TBCD: variants seen among roughly 807,000 people sequenced by gnomAD.
TBCD encodes tubulin folding cofactor D, also known as tubulin-specific chaperone D.
A neutral mutation model predicts 169.3 loss-of-function variants in TBCD; 105 were observed. The ratio of observed to expected loss-of-function variants is 0.62; its 90% CI spans 0.53 to 0.73. TBCD has a LOEUF of 0.73. TBCD is among the 30% of genes least tolerant of loss of function. TBCD has a pLI of 0.00. For missense variants in TBCD, 1,444 were observed against 1,600.1 expected, an observed-to-expected ratio of 0.90 and a Z score of 1.66; for synonymous variants, 700 against 643.9, an observed-to-expected ratio of 1.09 and a Z score of -1.32.
Position 82,853,251 on chromosome 17 carries a change from C to T in TBCD, c.1319-16973C>T, listed in dbSNP as rs117897091. ...TGTGCCACCACGCCCAGCTAATTGTCGTATTTTTTTTCTTTTTCTTTTTTT... is the reference window on the plus strand; with the variant it reads ...TGTGCCACCACGCCCAGCTAATTGTTGTATTTTTTTTCTTTTTCTTTTTTT... On this transcript the variant is annotated intron_variant, in intron 13 of 38. Transcript: ENST00000355528. Among the ~76,000 whole-genome samples the T allele has an allele frequency of 2.3e-3, 350 of 151,808 alleles. 1 individual carries two copies. The highest frequency in any genetic ancestry group is 4.0e-3 in the Non-Finnish European group (269 of 67,964).
At position 82,874,489 on chromosome 17, in the gene TBCD, C is replaced by G. The variant is rs1046363752; in HGVS notation, c.1475+4109C>G. Among the ~76,000 whole-genome samples, 5 of 152,118 alleles carry G rather than the reference C, an allele frequency of 3.3e-5. No individual in the cohort carries two copies. The highest frequency in any genetic ancestry group is 7.4e-5 in the Non-Finnish European group (5 of 68,006). ...TGCTGGGGCCTCAGGGCTCGCAGCT[C>G]ACAGGCTTCTGACGCCTCAGCCTGG... On this transcript the variant is annotated intron_variant, in intron 14 of 38. Coordinates refer to ENST00000355528, the MANE Select transcript of TBCD (RefSeq NM_005993.5). This position sits in a 1 kb window ranked among gnomAD's most constrained non-coding sequence, Gnocchi z 5.0.
In TBCD at chr17:82,937,409, T is replaced by C. The variant is rs114766531; in HGVS notation, c.3281+49T>C. ...TTAGACGGAATGGCAGGGCGCAGCC[T>C]CCCTTGGCTGAGGGCAGGAGTCCAC... On this transcript the variant is annotated intron_variant, in intron 35 of 38. Coordinates refer to ENST00000355528, the MANE Select transcript of TBCD (RefSeq NM_005993.5). The C allele has an allele frequency of 2.5e-3, 3,975 of 1,565,986 alleles. 87 individuals are homozygous for C. In the African/African-American group the frequency reaches 0.046, roughly 18 times the overall value.
intron 12 of TBCD, among the ~76,000 whole-genome samples, chr17:82,813,911 C>G (rs1416300717): frequency 6.6e-6 from 1 of 152,196 alleles, no homozygotes; most frequent in Non-Finnish European, 1.5e-5. Context: ...GAGGCAGCCA[C>G]TGGGCGGACA....
chr17:82,781,333 G>C (rs901405722), intron 6 of TBCD, among the ~76,000 whole-genome samples: 1 of 151,416 alleles, frequency 6.6e-6, no homozygotes, highest in Admixed American at 6.6e-5. Flanking sequence ...GGGATGGGCA[G>C]TAGGCCTGCG....
intron 37 of TBCD, 31 bp from the exon 38 acceptor site, chr17:82,941,368 G>T: frequency 6.4e-7 from 1 of 1,554,958 alleles, no homozygotes; most frequent in Admixed American, 1.8e-5. Context: ...GTGGGCACTC[G>T]AGAGACTCAC....
At position 82,784,039 on chromosome 17, in the gene TBCD, T is replaced by G. The variant is rs1984720; in HGVS notation, c.771+2318T>G. Among the ~76,000 whole-genome samples the G allele has an allele frequency of 5.8e-3, 887 of 151,870 alleles. 8 individuals carry two copies. The highest frequency in any genetic ancestry group is 0.02 in the African/African-American group (843 of 41,418). ...ACTCCGGAGGCTGAGGCAGGAGAAT[T>G]GCTTGAACCTGGGAGGCGGAGGTTG... On this transcript the variant is annotated intron_variant, in intron 7 of 38. Transcript: ENST00000355528.
At chr17:82,916,834 G>A (rs968139290) in intron 23 of TBCD, among the ~76,000 whole-genome samples, 2 of 151,964 alleles carry the variant, frequency 1.3e-5, no homozygotes, top group African/African-American at 4.8e-5. Context: ...TTCTGTCGAT[G>A]TTTTGTTCAC....
chr17:82,754,809 A>G (rs2047315953), intron 1 of TBCD, among the ~76,000 whole-genome samples: 1 of 152,188 alleles, frequency 6.6e-6, no homozygotes, highest in Non-Finnish European at 1.5e-5. Flanking sequence ...ATTGGACAGA[A>G]GCAGTTTCAG....
chr17:82,840,532 T>A (rs2085857138), intron 13 of TBCD: 1 of 152,244 alleles, frequency 6.6e-6, no homozygotes, highest in African/African-American at 2.4e-5. Context: ...TGAGAGTCTC[T>A]GTCCCTGGTC....
intron 13 of TBCD, among the ~76,000 whole-genome samples, chr17:82,869,040 G>A (rs1371121821): frequency 1.3e-5 from 2 of 152,348 alleles, no homozygotes; most frequent in South Asian, 4.1e-4. Context: ...TGGTGTGTGG[G>A]TGCTTCAGCG....
chr17:82,938,596 G>A (rs992919496), intron 36 of TBCD, among the ~76,000 whole-genome samples: 4 of 152,252 alleles, frequency 2.6e-5, no homozygotes, highest in African/African-American at 9.6e-5. Context: ...TCGAAGTGGG[G>A]TGCCGGACCC....
At chr17:82,823,054 G>A (rs2052542185) in intron 13 of TBCD, among the ~76,000 whole-genome samples, 1 of 152,230 alleles carries the variant, frequency 6.6e-6, no homozygotes, top group African/African-American at 2.4e-5. Context: ...AAGGGGTGGA[G>A]GACCAGAGTT....
At chr17:82,894,315 CTTTA>C (rs779580274) in intron 17 of TBCD, among the ~76,000 whole-genome samples, 16 of 152,088 alleles carry the variant, frequency 1.1e-4, no homozygotes, top group Middle Eastern at 3.2e-3. Context: ...AAGGGTGTGA[CTTTA>C]TTTATTTATT....
At chr17:82,805,466 T>C (rs945941449) in intron 9 of TBCD, among the ~76,000 whole-genome samples, 9 of 152,082 alleles carry the variant, frequency 5.9e-5, no homozygotes, top group Admixed American at 2.0e-4. Context: ...CAGCACCTGG[T>C]GATGAAGGGG....
intron 2 of TBCD, among the ~76,000 whole-genome samples, chr17:82,759,120 T>A (rs2047611317): frequency 6.6e-6 from 1 of 152,148 alleles, no homozygotes. Flanking sequence ...GATTAAGTGA[T>A]CTTCTCACTT....
chr17:82,776,131 A>G (rs539293667), intron 6 of TBCD, among the ~76,000 whole-genome samples: 8 of 152,276 alleles, frequency 5.3e-5, no homozygotes, highest in Non-Finnish European at 8.8e-5. Context: ...AGGCAGGACA[A>G]TCGCTTGAGC....
At chr17:82,871,728 C>T (rs373645675) in intron 14 of TBCD, among the ~76,000 whole-genome samples, 8 of 152,308 alleles carry the variant, frequency 5.3e-5, no homozygotes, top group South Asian at 2.1e-4. Context: ...CCCTCTGCCC[C>T]GCACGCCCCG....
chr17:82,758,353 C>T (rs2047520256), intron 2 of TBCD, among the ~76,000 whole-genome samples: 2 of 115,052 alleles, frequency 1.7e-5, no homozygotes, highest in Non-Finnish European at 3.4e-5. Flanking sequence ...CATTGTACTC[C>T]AGCCTGGGCA....
At chr17:82,921,190 C>T (rs553197065) in intron 24 of TBCD, 32 of 443,612 alleles carry the variant, frequency 7.2e-5, no homozygotes, top group African/African-American at 4.5e-4. Context: ...TGGTGGGAGC[C>T]GGGGGAGACC....
Sources: allele counts gnomAD v4.1 joint callset (sites outside exome capture counted in the v4.1 genomes callset), GRCh38; gene constraint gnomAD v4.1.1; non-coding constraint Gnocchi (gnomAD v3.1); transcripts MANE v1.5; gene names NCBI Gene and HGNC (gene_info 2026-07-23, HGNC 2026-07-21).